Variants in BANK1 observed in about 807,000 individuals in gnomAD.
The protein encoded by BANK1 is B-cell scaffold protein with ankyrin repeats.
In BANK1, 95 loss-of-function variants were observed where a neutral mutation model predicts 94.5. That is an observed-to-expected ratio of 1.00 (90% CI 0.85 to 1.19). BANK1 has a LOEUF of 1.19. Among genes scored for constraint, BANK1 ranks in the 50% most tolerant of loss-of-function variants. The pLI is 0.00. For missense variants in BANK1, 987 were observed against 932.2 expected, an observed-to-expected ratio of 1.06 and a Z score of -0.77; for synonymous variants, 334 against 308.4, an observed-to-expected ratio of 1.08 and a Z score of -0.87.
At chr4:102,065,458 C>T (rs1041859127) in intron 13 of BANK1, among the ~76,000 whole-genome samples, 4 of 151,938 alleles carry the variant, frequency 2.6e-5, no homozygotes, top group Non-Finnish European at 2.9e-5. Flanking sequence ...CGAGAACTAC[C>T]GTCATCAGAA....
chr4:101,870,438 TA>T (rs1457168205), intron 4 of BANK1, 66 bp from the exon 5 acceptor site: 45 of 1,366,314 alleles, frequency 3.3e-5, no homozygotes, highest in Non-Finnish European at 4.4e-5. Flanking sequence ...TTATATTCTC[TA>T]AAAGATGTAA....
intron 1 of BANK1, among the ~76,000 whole-genome samples, chr4:101,815,955 A>T (rs150931787): frequency 4.3e-4 from 66 of 152,340 alleles, no homozygotes; most frequent in African/African-American, 1.4e-3. Context: ...TATTCAAAAT[A>T]TCTACCCTAA....
chr4:101,885,114 C>T (rs1348318151), intron 5 of BANK1, among the ~76,000 whole-genome samples: 2 of 152,188 alleles, frequency 1.3e-5, no homozygotes, highest in Non-Finnish European at 2.9e-5. Flanking sequence ...GACGGGGTTT[C>T]GCCATGTTGG....
At chr4:101,795,968 G>A (rs1177153741) in intron 1 of BANK1, among the ~76,000 whole-genome samples, 1 of 152,176 alleles carries the variant, frequency 6.6e-6, no homozygotes, top group Non-Finnish European at 1.5e-5. Flanking sequence ...TTGAATCTGT[G>A]TAAGTATAAG....
At chr4:102,031,218 G>A (rs1469356140) in intron 10 of BANK1, among the ~76,000 whole-genome samples, 1 of 152,104 alleles carries the variant, frequency 6.6e-6, no homozygotes, top group Non-Finnish European at 1.5e-5. Context: ...TCAAGTGTCC[G>A]TTGGCTGCAT....
chr4:101,876,783 G>T (rs13144307), intron 5 of BANK1, among the ~76,000 whole-genome samples: 83,891 of 152,002 alleles, frequency 0.55, 24,480 homozygotes, highest in African/African-American at 0.75. Flanking sequence ...TTGAGGAAAC[G>T]CAAAGAAATT....
rs1378401013 is a variant in BANK1 at position 101,867,177 on chromosome 4, A to T, written c.764-3328A>T. ...ACTTAGAGTATAATAAAAAAAATTT[A>T]AAAAAAAAAAAAAAAAAAAGAATTA... On this transcript the variant is annotated intron_variant, in intron 4 of 16. Coordinates refer to ENST00000322953, the MANE Select transcript of BANK1 (RefSeq NM_017935.5). Among the ~76,000 whole-genome samples, 33 of 37,276 alleles carry T rather than the reference A, an allele frequency of 8.9e-4. 7 individuals carry two copies. In the South Asian group the frequency reaches 0.011, roughly 12 times the overall value. The allele number at this position is 37,276 out of a possible 152,430, so 24.5% of individuals were successfully genotyped here.
At chr4:101,839,937 A>ATTTTTTTTTTTTTTTTTTTTT (rs70964197) in intron 2 of BANK1, among the ~76,000 whole-genome samples, 1 of 53,036 alleles carries the variant, frequency 1.9e-5, no homozygotes, top group Non-Finnish European at 3.7e-5. Context: ...CAAATATTTA[A>ATTTTTTTTTTTTTTTTTTTTT]TTTTTTTTTT....
intron 7 of BANK1, among the ~76,000 whole-genome samples, chr4:101,973,915 C>T (rs1725040831): frequency 6.6e-6 from 1 of 151,984 alleles, no homozygotes; most frequent in African/African-American, 2.4e-5. Context: ...TACTGAATTT[C>T]AGACCAATGC....
chr4:102,013,118 T>G (rs777701536), intron 7 of BANK1, among the ~76,000 whole-genome samples: 3 of 152,200 alleles, frequency 2.0e-5, no homozygotes, highest in South Asian at 2.1e-4. Context: ...AAAAGCAAAG[T>G]TTTTTGCTAC....
intron 2 of BANK1, among the ~76,000 whole-genome samples, chr4:101,850,021 A>G (rs1727411815): frequency 6.6e-6 from 1 of 152,238 alleles, no homozygotes; most frequent in Non-Finnish European, 1.5e-5. Flanking sequence ...TTTCTCACTC[A>G]CAGAATATAA....
intron 5 of BANK1, among the ~76,000 whole-genome samples, chr4:101,884,451 A>C (rs1728778331): frequency 6.6e-6 from 1 of 151,932 alleles, no homozygotes; most frequent in African/African-American, 2.4e-5. Context: ...TAGTTTCTTC[A>C]TTCTGTTACC....
At chr4:102,073,012 G>A (rs967270762) in intron 15 of BANK1, among the ~76,000 whole-genome samples, 3 of 152,014 alleles carry the variant, frequency 2.0e-5, no homozygotes, top group Non-Finnish European at 4.4e-5. Context: ...CAAGAGTCAT[G>A]TAGCAGCTGG....
intron 13 of BANK1, among the ~76,000 whole-genome samples, chr4:102,069,821 A>G (rs1370358999): frequency 6.6e-6 from 1 of 152,254 alleles, no homozygotes; most frequent in African/African-American, 2.4e-5. Flanking sequence ...AATATAAATG[A>G]ATCTCACAAA....
intron 1 of BANK1, among the ~76,000 whole-genome samples, chr4:101,808,292 A>C (rs1725629065): frequency 6.6e-6 from 1 of 152,104 alleles, no homozygotes; most frequent in Non-Finnish European, 1.5e-5. Context: ...CTAGTTTTTT[A>C]ATAGAAAAAT....
intron 2 of BANK1, among the ~76,000 whole-genome samples, chr4:101,837,264 GC>G (rs1378645875): frequency 6.6e-6 from 1 of 152,086 alleles, no homozygotes; most frequent in East Asian, 1.9e-4. Flanking sequence ...CTGTTTTTGT[GC>G]TTCTAGAATT....
intron 10 of BANK1, among the ~76,000 whole-genome samples, chr4:102,037,073 T>C (rs1435256790): frequency 2.0e-5 from 3 of 152,256 alleles, no homozygotes; most frequent in Admixed American, 2.0e-4. Context: ...TGTTACTATT[T>C]GTTAAAAGCA....
At chr4:102,057,250 CTCTT>C (rs1018531790) in intron 11 of BANK1, among the ~76,000 whole-genome samples, 6 of 151,928 alleles carry the variant, frequency 3.9e-5, no homozygotes, top group South Asian at 2.1e-4. Context: ...TGCTCTCTCT[CTCTT>C]TCTCTTTCTC....
At chr4:101,986,807 A>G (rs762350320) in intron 7 of BANK1, among the ~76,000 whole-genome samples, 3 of 84,002 alleles carry the variant, frequency 3.6e-5, no homozygotes, top group African/African-American at 9.4e-5. Context: ...ATGTGTATAT[A>G]TATGTATATA....
Sources: gnomAD v4.1 joint callset for allele counts (sites outside exome capture counted in the v4.1 genomes callset) on GRCh38, gnomAD v4.1.1 for gene constraint, MANE v1.5 for transcripts, NCBI Gene and HGNC (gene_info 2026-07-23, HGNC 2026-07-21) for gene names.